CUX1: variants seen among roughly 807,000 people sequenced by gnomAD.
CUX1 encodes the protein cut like homeobox 1.
CUX1 carries 31 observed loss-of-function variants against 158.8 expected under a neutral mutation model. The ratio of observed to expected loss-of-function variants is 0.20; its 90% CI spans 0.15 to 0.26. The LOEUF is 0.26. Ranked by LOEUF, CUX1 falls within the 10% of genes least tolerant of loss-of-function variation. The pLI, the probability that CUX1 is intolerant of heterozygous loss-of-function variation, is 1.00. For missense variants in CUX1, 1,589 were observed against 2,014.6 expected (o/e 0.79, Z 4.04); for synonymous variants, 879 against 862.1 (o/e 1.02, Z -0.34).
At chr7:102,110,691 C>T (rs1024571019) in intron 6 of CUX1, among the ~76,000 whole-genome samples, 1 of 152,100 alleles carries the variant, frequency 6.6e-6, no homozygotes, top group South Asian at 2.1e-4. Flanking sequence ...TATGTGTTTG[C>T]TTATATTACA....
At chr7:102,074,663 A>C (rs568349711) in intron 4 of CUX1, among the ~76,000 whole-genome samples, 8 of 152,288 alleles carry the variant, frequency 5.3e-5, no homozygotes, top group Non-Finnish European at 1.2e-4. Flanking sequence ...CAAGGGTTGC[A>C]CTGGTGACTC....
At chr7:101,943,499 G>A (rs187586269) in intron 2 of CUX1, among the ~76,000 whole-genome samples, 18 of 152,136 alleles carry the variant, frequency 1.2e-4, no homozygotes, top group African/African-American at 2.9e-4. Context: ...GGCGGCTGAC[G>A]TCAGTGCTAC....
chr7:102,025,248 A>T (rs1819849897), intron 2 of CUX1, among the ~76,000 whole-genome samples: 1 of 152,256 alleles, frequency 6.6e-6, no homozygotes, highest in East Asian at 1.9e-4. Flanking sequence ...GCAATCTAAC[A>T]CATTCACAGG....
chr7:102,252,176 C>T lies in CUX1; in HGVS notation c.*3134C>T, dbSNP rs781927633. On this transcript the variant is annotated 3_prime_UTR_variant, in exon 24 of 24. Coordinates refer to ENST00000292535, the MANE Select transcript of CUX1 (RefSeq NM_181552.4). Reference sequence around the variant, plus strand: ...TTAGATCTTTGATGTGAAGCTAGCACTGTCTGTAATACTTCTAAGAGCTGC... The same window carrying T: ...TTAGATCTTTGATGTGAAGCTAGCATTGTCTGTAATACTTCTAAGAGCTGC... The T allele has an allele frequency of 5.5e-5, 54 of 985,282 alleles. No homozygotes were observed. The highest frequency in any genetic ancestry group is 3.6e-5 in the Non-Finnish European group (30 of 829,932). The allele number at this position is 985,282 out of a possible 1,614,324, so 61.0% of individuals were successfully genotyped here. A position where few individuals can be genotyped will look rare whatever the true frequency, so the allele number is the denominator to read the frequency against.
At chr7:101,991,157 A>G (rs1270535405) in intron 2 of CUX1, among the ~76,000 whole-genome samples, 1 of 152,222 alleles carries the variant, frequency 6.6e-6, no homozygotes, top group Non-Finnish European at 1.5e-5. Context: ...TATGAGATCC[A>G]GTACTTCTAG....
chr7:101,988,210 CAAA>C (rs5886211), intron 2 of CUX1, among the ~76,000 whole-genome samples: 2 of 146,452 alleles, frequency 1.4e-5, no homozygotes, highest in Admixed American at 6.8e-5. Context: ...GAATCTGTTT[CAAA>C]AAAAAAAAGA....
chr7:102,025,917 CTG>C (rs551677055), intron 2 of CUX1, among the ~76,000 whole-genome samples: 19 of 152,076 alleles, frequency 1.2e-4, no homozygotes, highest in Non-Finnish European at 1.3e-4. Context: ...TGGTTCACAC[CTG>C]TAATCCTAGC....
chr7:102,275,305 C>T (rs1554547479), exon 17 of CUX1: 1 of 1,612,972 alleles, frequency 6.2e-7, no homozygotes, highest in African/African-American at 1.3e-5. Flanking sequence ...CACTGCTTTC[C>T]ATCATCTCCA....
intron 1 of CUX1, among the ~76,000 whole-genome samples, chr7:101,820,747 C>A (rs917367441): frequency 1.2e-4 from 19 of 152,190 alleles, no homozygotes; most frequent in Admixed American, 8.5e-4. Flanking sequence ...TTAAAATGTT[C>A]ACAAAACCCG....
intron 18 of CUX1, among the ~76,000 whole-genome samples, chr7:102,278,684 T>TAAAATATA (rs1554548450): frequency 7.4e-6 from 1 of 135,644 alleles, no homozygotes; most frequent in Non-Finnish European, 1.6e-5. Context: ...TAAAATAAAA[T>TAAAATATA]AAATAAAATA....
intron 2 of CUX1, among the ~76,000 whole-genome samples, chr7:101,976,424 C>T (rs1252776050): frequency 1.3e-5 from 2 of 151,986 alleles, no homozygotes; most frequent in Non-Finnish European, 2.9e-5. Flanking sequence ...CATTTTTGAG[C>T]GATGGGAAAT....
At chr7:101,959,936 TGAAAA>T (rs1177847591) in intron 2 of CUX1, among the ~76,000 whole-genome samples, 2 of 152,232 alleles carry the variant, frequency 1.3e-5, no homozygotes, top group African/African-American at 4.8e-5. Context: ...ATTGTTCTCT[TGAAAA>T]GAACAGGTTT....
At position 102,257,916 on chromosome 7, in the gene CUX1, T is replaced by G. The variant is rs534625581; in HGVS notation, c.*8874T>G. ...AAGTCGTCTTTTTTTTTTTTTTTTG[T>G]ACAAATCGCTTTGAGATGCCTCTGG... On this transcript the variant is annotated 3_prime_UTR_variant, in exon 24 of 24. Transcript: ENST00000292535. 5 of 975,956 alleles carry G rather than the reference T, an allele frequency of 5.1e-6. No homozygotes were observed. The highest frequency in any genetic ancestry group is 2.4e-6 in the Non-Finnish European group (2 of 824,130). The allele number at this position is 975,956 out of a possible 1,614,324, so 60.5% of individuals were successfully genotyped here. A position where few individuals can be genotyped will look rare whatever the true frequency, so the allele number is the denominator to read the frequency against.
chr7:101,894,833 A>G (rs1674485738), intron 1 of CUX1, among the ~76,000 whole-genome samples: 1 of 152,056 alleles, frequency 6.6e-6, no homozygotes, highest in Non-Finnish European at 1.5e-5. Flanking sequence ...TGTTTCTCAA[A>G]GTGAGCGCTG....
intron 1 of CUX1, among the ~76,000 whole-genome samples, chr7:101,883,596 TG>T (rs71119790): frequency 0.38 from 57,487 of 151,286 alleles, 12,142 homozygotes; most frequent in East Asian, 0.85. Context: ...AATTTTTTTT[TG>T]AAATTTTAAA....
intron 3 of CUX1, among the ~76,000 whole-genome samples, chr7:102,045,020 G>C (rs1401277188): frequency 1.3e-5 from 2 of 152,158 alleles, no homozygotes; most frequent in Non-Finnish European, 2.9e-5. Flanking sequence ...GGTGTTAGCC[G>C]TGGTGGTCAC....
At chr7:101,871,143 ATCCTAG>A (rs1798479118) in intron 1 of CUX1, among the ~76,000 whole-genome samples, 1 of 152,000 alleles carries the variant, frequency 6.6e-6, no homozygotes, top group African/African-American at 2.4e-5. Context: ...TTACTGTGTG[ATCCTAG>A]CATCCGTGGT....
intron 8 of CUX1, among the ~76,000 whole-genome samples, chr7:102,141,296 C>T (rs1178140481): frequency 1.3e-5 from 2 of 152,162 alleles, no homozygotes; most frequent in Non-Finnish European, 2.9e-5. Flanking sequence ...AGTTTCACTT[C>T]CCAGCCCTGC....
At chr7:102,128,979 A>T (rs201524) in intron 8 of CUX1, among the ~76,000 whole-genome samples, 31,793 of 151,912 alleles carry the variant, frequency 0.21, 3,486 homozygotes, top group Middle Eastern at 0.3. Flanking sequence ...GTTTCAAAAA[A>T]AAAAGAGAAA....
Sources: allele counts gnomAD v4.1 joint callset (sites outside exome capture counted in the v4.1 genomes callset), GRCh38; gene constraint gnomAD v4.1.1; transcripts MANE v1.5; gene names NCBI Gene and HGNC (gene_info 2026-07-23, HGNC 2026-07-21).